Variants in USP31 observed in about 807,000 individuals in gnomAD.
USP31 encodes the protein ubiquitin carboxyl-terminal hydrolase 31.
A neutral mutation model predicts 119.4 loss-of-function variants in USP31; 44 were observed. The ratio of observed to expected loss-of-function variants is 0.37; its 90% CI spans 0.29 to 0.47. The LOEUF is 0.47. USP31 is among the 20% of genes least tolerant of loss of function. The pLI, the probability that USP31 is intolerant of heterozygous loss-of-function variation, is 0.99. For synonymous variants in USP31, 749 were observed against 705.6 expected (o/e 1.06, Z -0.97); for missense variants, 1,643 against 1,730.2 (o/e 0.95, Z 0.89).
intron 6 of USP31, 90 bp downstream of exon 6, chr16:23,102,229 G>A: frequency 7.7e-7 from 1 of 1,304,680 alleles, no homozygotes; most frequent in South Asian, 2.0e-5. Context: ...AAAAAAAAAT[G>A]TATATCATTA....
Position 23,149,110 on chromosome 16 carries a change from G to A in USP31, c.161C>T (p.Ser54Leu). Residue 54 changes from serine to leucine, a missense_variant, in exon 1 of 16, where the codon TCG (serine) becomes TTG (leucine). This residue lies in a region of USP31 where 302 missense variants were observed against 262.6 expected (regional missense o/e 1.15). Coordinates refer to ENST00000219689, the MANE Select transcript of USP31 (RefSeq NM_020718.4). ...SGPAAPSSPS[S>L]PSSARSVGSF... ...GCCCACCGAGCGTGCAGAGGAGGGC[G>A]AGGAGGGCGAGGAAGGCGCGGCCGG... 7.9e-7 allele frequency: 1 copy of A among 1,261,504 alleles called. No homozygotes were observed. Among genetic ancestry groups the A allele is most frequent in the South Asian group, 2.1e-5 (1 of 47,904 alleles). 78.1% of individuals were successfully genotyped at this position (1,261,504 alleles called of 1,614,324 possible).
In USP31 at chr16:23,103,779, G is replaced by C. The variant is rs1314413710; in HGVS notation, c.1090-1316C>G. On this transcript the variant is annotated intron_variant, in intron 5 of 15. Transcript: ENST00000219689. Reference sequence around the variant, plus strand: ...AAAATACAAAAATCAGCTGGGTGTGGTGGCATGCGCCTACAGTCCCCACTA... The same window carrying C: ...AAAATACAAAAATCAGCTGGGTGTGCTGGCATGCGCCTACAGTCCCCACTA... Among the ~76,000 whole-genome samples, 3 of 152,080 alleles carry C rather than the reference G, an allele frequency of 2.0e-5. No individual in the cohort carries two copies. The East Asian group carries it at 5.8e-4, about 29-fold the overall frequency.
intron 1 of USP31, among the ~76,000 whole-genome samples, chr16:23,123,677 T>C (rs1047122026): frequency 6.6e-6 from 1 of 152,224 alleles, no homozygotes; most frequent in Non-Finnish European, 1.5e-5. Flanking sequence ...ATTCTATTTA[T>C]CTAGTTACTT....
intron 12 of USP31, 138 bp from the exon 13 acceptor site, chr16:23,080,309 G>C: frequency 1.4e-6 from 1 of 725,948 alleles, no homozygotes; most frequent in African/African-American, 1.8e-5. Flanking sequence ...ATACAAATCA[G>C]GGAAACAGAT....
chr16:23,128,689 C>T (rs1230822896), intron 1 of USP31, among the ~76,000 whole-genome samples: 1 of 152,134 alleles, frequency 6.6e-6, no homozygotes, highest in African/African-American at 2.4e-5. Context: ...AATAAATTAA[C>T]GGGTCAGGGA....
Position 23,112,290 on chromosome 16 carries a change from A to ATG in USP31, c.634-4108_634-4107insCA, listed in dbSNP as rs376035422. Among the ~76,000 whole-genome samples, 86 of 152,306 alleles carry ATG rather than the reference A, an allele frequency of 5.6e-4. No individual in the cohort carries two copies. In the Middle Eastern group the frequency reaches 0.01, roughly 18 times the overall value. The stretch of plus-strand genomic sequence containing the variant: ...TATCTCCCTTTAGCATTATATATAT[A>ATG]TAAACGGCCCGGACATGGTGGCTCA... On this transcript the variant is annotated intron_variant, in intron 1 of 15. Coordinates refer to ENST00000219689, the MANE Select transcript of USP31 (RefSeq NM_020718.4).
chr16:23,109,783 G>A (rs925810740), intron 1 of USP31, among the ~76,000 whole-genome samples: 1 of 150,022 alleles, frequency 6.7e-6, no homozygotes, highest in Non-Finnish European at 1.5e-5. Context: ...AAAACCCATG[G>A]CCTCAGTCTA....
At chr16:23,071,170 A>AG (rs1567224523) in intron 15 of USP31, among the ~76,000 whole-genome samples, 1 of 152,222 alleles carries the variant, frequency 6.6e-6, no homozygotes, top group East Asian at 1.9e-4. Context: ...GAGGTGGCAG[A>AG]GCTAGAGCTA....
chr16:23,080,661 T>C (rs1395648367), intron 12 of USP31, among the ~76,000 whole-genome samples: 2 of 152,224 alleles, frequency 1.3e-5, no homozygotes, highest in Non-Finnish European at 2.9e-5. Flanking sequence ...ATCCACTCAG[T>C]GGCAATCTTT....
chr16:23,068,107 G>T lies in USP31; in HGVS notation c.3998C>A (p.Ser1333Tyr). Reference sequence around the variant, plus strand: ...CATGCTAGAAGATAACTTTTTTGAGGATTTCTCTGCAGACTGCCTGCCACC... The same window carrying T: ...CATGCTAGAAGATAACTTTTTTGAGTATTTCTCTGCAGACTGCCTGCCACC... Reference protein sequence around the residue: ...SPGGRQSAEKSSKKLSSSMQT... With the variant: ...SPGGRQSAEKYSKKLSSSMQT... Residue 1333 changes from serine (S) to tyrosine (Y), a missense_variant, in exon 16 of 16, where the codon TCC becomes TAC. This residue lies in a region of USP31 where 699 missense variants were observed against 650.9 expected (regional missense o/e 1.07). Transcript: ENST00000219689. 1 of 1,613,960 alleles carries T rather than the reference G, an allele frequency of 6.2e-7. No homozygotes were observed. The highest frequency in any genetic ancestry group is 8.5e-7 in the Non-Finnish European group (1 of 1,179,964).
intron 1 of USP31, among the ~76,000 whole-genome samples, chr16:23,131,581 T>A (rs1431418578): frequency 6.6e-6 from 1 of 152,008 alleles, no homozygotes; most frequent in Non-Finnish European, 1.5e-5. Flanking sequence ...GTCACTAGAG[T>A]ACCAAAGGAC....
chr16:23,094,561 T>C (rs970059789), intron 6 of USP31, among the ~76,000 whole-genome samples: 6 of 152,126 alleles, frequency 3.9e-5, no homozygotes, highest in African/African-American at 1.4e-4. Flanking sequence ...GGTCCCTGAC[T>C]CCCATGTAGC....
chr16:23,079,722 C>A, intron 13 of USP31: 1 of 468,638 alleles, frequency 2.1e-6, no homozygotes, highest in Non-Finnish European at 3.7e-6. Flanking sequence ...ACATACCACT[C>A]CCCAATCAGT....
chr16:23,141,290 T>C (rs543771292), intron 1 of USP31, among the ~76,000 whole-genome samples: 11 of 152,320 alleles, frequency 7.2e-5, no homozygotes, highest in East Asian at 5.8e-4. Context: ...TTTCCAACTA[T>C]AGCGCCTTCT....
chr16:23,127,957 A>G (rs1031866925), intron 1 of USP31, among the ~76,000 whole-genome samples: 1 of 152,182 alleles, frequency 6.6e-6, no homozygotes, highest in African/African-American at 2.4e-5. Context: ...TGGTGGCAGT[A>G]CTGGGATTAT....
chr16:23,138,633 A>G (rs1903261837), intron 1 of USP31, among the ~76,000 whole-genome samples: 1 of 152,110 alleles, frequency 6.6e-6, no homozygotes, highest in Non-Finnish European at 1.5e-5. Context: ...GCCTCCTCCC[A>G]TTCTACCTTG....
rs781215636 is a variant in USP31 at position 23,068,544 on chromosome 16, C to T, written c.3561G>A (p.Gly1187=). 4 of 1,613,908 alleles carry T rather than the reference C, an allele frequency of 2.5e-6. No individual in the cohort carries two copies. In the African/African-American group the frequency reaches 5.3e-5, roughly 22 times the overall value. ...CGTGCTTCCCGGCCCCCCTGCCCTCCCCTGCTCGGGCCTGGCTCACCCGAG... is the reference window on the plus strand; with the variant it reads ...CGTGCTTCCCGGCCCCCCTGCCCTCTCCTGCTCGGGCCTGGCTCACCCGAG... ...NSPRVSQARA[G]EGRGAGKHVR... The change falls in exon 16 of 16, where the codon GGG becomes GGA. Residue 1187 remains glycine (G), a synonymous_variant. Coordinates refer to ENST00000219689, the MANE Select transcript of USP31 (RefSeq NM_020718.4).
intron 13 of USP31, among the ~76,000 whole-genome samples, chr16:23,077,126 G>A (rs1900610701): frequency 6.6e-6 from 1 of 152,114 alleles, no homozygotes; most frequent in Non-Finnish European, 1.5e-5. Flanking sequence ...ATTAACTTTT[G>A]TCTTCTATGA....
Position 23,068,228 on chromosome 16 carries a change from G to A in USP31, c.3877C>T (p.Leu1293Phe). The change falls in exon 16 of 16, where the codon CTT becomes TTT. Residue 1293 changes from leucine to phenylalanine, a missense_variant. Leu to Phe is a conservative substitution (Grantham distance 22, BLOSUM62 0). Coordinates refer to ENST00000219689, the MANE Select transcript of USP31 (RefSeq NM_020718.4). ...PNANTTGKEQ[L>F]VTKDPASAKH... ...GCAGAAGCAGGGTCCTTGGTGACAA[G>A]CTGCTCTTTTCCCGTTGTATTTGCA... 6.2e-7 allele frequency: 1 copy of A among 1,614,192 alleles called. No individual in the cohort carries two copies. Among genetic ancestry groups the A allele is most frequent in the East Asian group, 2.2e-5 (1 of 44,876 alleles).
Sources: allele counts gnomAD v4.1 joint callset (sites outside exome capture counted in the v4.1 genomes callset), GRCh38; gene constraint gnomAD v4.1.1; regional missense constraint gnomAD v4.1.1; transcripts MANE v1.5; gene names NCBI Gene and HGNC (gene_info 2026-07-23, HGNC 2026-07-21).